Variants in NRG1 observed in about 807,000 individuals in gnomAD.
NRG1 encodes pro-neuregulin-1, membrane-bound isoform.
Under a neutral mutation model 63.8 loss-of-function variants are expected in NRG1, and 18 were observed. The ratio of observed to expected loss-of-function variants is 0.28; its 90% CI spans 0.19 to 0.42. NRG1 has a LOEUF of 0.42. NRG1 is among the 10% of genes least tolerant of loss of function. The pLI, the probability that NRG1 is intolerant of heterozygous loss-of-function variation, is 1.00. For synonymous variants in NRG1, 302 were observed against 301.3 expected (o/e 1.00, Z -0.02); for missense variants, 762 against 814.7 (o/e 0.94, Z 0.79).
intron 1 of NRG1, among the ~76,000 whole-genome samples, chr8:32,095,342 G>C (rs190827509): frequency 1.8e-4 from 27 of 152,292 alleles, no homozygotes; most frequent in Non-Finnish European, 3.4e-4. Flanking sequence ...TCGTCAAGCA[G>C]AGTTTCCCAT....
intron 1 of NRG1, among the ~76,000 whole-genome samples, chr8:31,981,258 C>T (rs188526104): frequency 6.6e-6 from 1 of 152,048 alleles, no homozygotes; most frequent in Admixed American, 6.6e-5. Context: ...TATAGCCAAT[C>T]GATAGCTTAT....
chr8:32,103,790 C>G (rs1190351751), intron 1 of NRG1, among the ~76,000 whole-genome samples: 1 of 151,900 alleles, frequency 6.6e-6, no homozygotes, highest in African/African-American at 2.4e-5. Context: ...AGAGATGCAC[C>G]GAGGCTGCTG....
intron 1 of NRG1, among the ~76,000 whole-genome samples, chr8:31,927,749 A>G (rs1200021757): frequency 6.7e-6 from 1 of 148,874 alleles, no homozygotes; most frequent in African/African-American, 2.5e-5. Context: ...CGCCCGGCCT[A>G]CTTTTTTTTT....
rs568176021 is a variant in NRG1, at chr8:32,242,307, C to T, written c.38-353521C>T. 7.6e-4 allele frequency among the ~76,000 whole-genome samples: 116 copies of T among 152,074 alleles called. 1 individual carries two copies. The highest frequency in any genetic ancestry group is 2.7e-3 in the African/African-American group (113 of 41,496). On this transcript the variant is annotated intron_variant, in intron 1 of 10. Coordinates refer to the NRG1 transcript ENST00000519301. ...TGACCAACGTGGTGAAACCCTGTCTCTACTAAAAATACAAAAATTAGGGGA... is the reference window on the plus strand; with the variant it reads ...TGACCAACGTGGTGAAACCCTGTCTTTACTAAAAATACAAAAATTAGGGGA...
intron 1 of NRG1, among the ~76,000 whole-genome samples, chr8:31,928,520 T>C (rs1834596432): frequency 6.6e-6 from 1 of 152,042 alleles, no homozygotes; most frequent in African/African-American, 2.4e-5. Flanking sequence ...GGGAAGGAAG[T>C]TGCTTTATCA....
chr8:32,148,458 G>C (rs2131804325), intron 1 of NRG1, among the ~76,000 whole-genome samples: 1 of 152,270 alleles, frequency 6.6e-6, no homozygotes, highest in African/African-American at 2.4e-5. Context: ...GAGTGCAGTG[G>C]CGCGATCTCG....
chr8:32,174,546 C>G (rs997692829), intron 1 of NRG1, among the ~76,000 whole-genome samples: 2 of 152,126 alleles, frequency 1.3e-5, no homozygotes, highest in Non-Finnish European at 2.9e-5. Context: ...AATCCAGGAG[C>G]TGGTTTTCTG....
chr8:31,785,929 A>T (rs1820128190), intron 1 of NRG1, among the ~76,000 whole-genome samples: 2 of 152,204 alleles, frequency 1.3e-5, no homozygotes, highest in Admixed American at 6.6e-5. Context: ...CATCCTTTAG[A>T]ACTAGGTATG....
chr8:31,820,472 A>G (rs944613140), intron 1 of NRG1, among the ~76,000 whole-genome samples: 1 of 152,158 alleles, frequency 6.6e-6, no homozygotes, highest in Non-Finnish European at 1.5e-5. Flanking sequence ...ATTGTCTTTT[A>G]CTTCTGAGAC....
At chr8:32,615,896 A>G (rs950694026) in intron 4 of NRG1, among the ~76,000 whole-genome samples, 4 of 151,886 alleles carry the variant, frequency 2.6e-5, no homozygotes, top group Non-Finnish European at 5.9e-5. Flanking sequence ...AAAAAATCAC[A>G]TATTCTAAAT....
At chr8:32,509,228 G>T (rs1828898909) in intron 1 of NRG1, among the ~76,000 whole-genome samples, 2 of 151,858 alleles carry the variant, frequency 1.3e-5, no homozygotes, top group Non-Finnish European at 2.9e-5. Flanking sequence ...AGGTAGCTGG[G>T]ACTACAGGTG....
intron 1 of NRG1, among the ~76,000 whole-genome samples, chr8:32,354,172 C>A (rs1011674917): frequency 6.6e-6 from 1 of 151,934 alleles, no homozygotes; most frequent in Non-Finnish European, 1.5e-5. Flanking sequence ...AGTTCGAGAC[C>A]CCCCAGGCCC....
At chr8:31,907,097 G>A (rs1012297870) in intron 1 of NRG1, among the ~76,000 whole-genome samples, 8 of 152,046 alleles carry the variant, frequency 5.3e-5, no homozygotes, top group Admixed American at 3.3e-4. Flanking sequence ...TGACTGTAAG[G>A]GAAACCAGGT....
intron 1 of NRG1, among the ~76,000 whole-genome samples, chr8:31,852,996 C>G (rs1459690133): frequency 1.3e-5 from 2 of 151,756 alleles, no homozygotes; most frequent in African/African-American, 4.8e-5. Context: ...CAGTACCATG[C>G]TGTTTTGGTT....
chr8:32,621,312 A>G (rs1324426688), intron 5 of NRG1, among the ~76,000 whole-genome samples: 1 of 152,208 alleles, frequency 6.6e-6, no homozygotes, highest in Non-Finnish European at 1.5e-5. Context: ...ACTTATAAAT[A>G]ATTGCCTAAA....
At chr8:31,806,060 T>C (rs1586546912) in intron 1 of NRG1, among the ~76,000 whole-genome samples, 1 of 152,060 alleles carries the variant, frequency 6.6e-6, no homozygotes, top group Admixed American at 6.6e-5. Flanking sequence ...ATGGATAAAT[T>C]ACATTAGAAA....
intron 1 of NRG1, among the ~76,000 whole-genome samples, chr8:32,581,189 A>G (rs1025825881): frequency 6.6e-6 from 1 of 152,234 alleles, no homozygotes; most frequent in African/African-American, 2.4e-5. Context: ...CTGATGCACA[A>G]TGATATTTGT....
intron 1 of NRG1, among the ~76,000 whole-genome samples, chr8:32,595,451 A>T (rs1424769101): frequency 6.6e-6 from 1 of 152,122 alleles, no homozygotes; most frequent in Non-Finnish European, 1.5e-5. Flanking sequence ...AGCCTCCGTA[A>T]GTTGGGGGAT....
intron 1 of NRG1, among the ~76,000 whole-genome samples, chr8:32,157,686 A>G (rs1046235302): frequency 1.3e-5 from 2 of 148,920 alleles, no homozygotes; most frequent in African/African-American, 4.9e-5. Context: ...ATATATGTTT[A>G]TAAATATATA....
Sources: allele counts gnomAD v4.1 joint callset (sites outside exome capture counted in the v4.1 genomes callset), GRCh38; gene constraint gnomAD v4.1.1; transcripts MANE v1.5; gene names NCBI Gene and HGNC (gene_info 2026-07-23, HGNC 2026-07-21).